Variants in KIF13B observed in about 807,000 individuals in gnomAD.
KIF13B encodes kinesin family member 13B.
In KIF13B, 127 loss-of-function variants were observed where a neutral mutation model predicts 222.0. The observed-to-expected ratio is 0.57, with a 90% CI of 0.50 to 0.66. The LOEUF (loss-of-function observed/expected upper bound fraction) is 0.66. KIF13B is among the 30% of genes least tolerant of loss of function. KIF13B has a pLI of 0.00. For synonymous variants in KIF13B, 976 were observed against 919.0 expected, an observed-to-expected ratio of 1.06 and a Z score of -1.12; for missense variants, 2,173 against 2,379.0, an observed-to-expected ratio of 0.91 and a Z score of 1.80.
chr8:29,105,697 C>T (rs544134582), intron 35 of KIF13B, among the ~76,000 whole-genome samples: 4 of 109,532 alleles, frequency 3.7e-5, no homozygotes, highest in East Asian at 3.1e-4. Flanking sequence ...CTCGCTCTGT[C>T]GCCCAGGCTG....
Position 29,108,198 on chromosome 8 carries a change from GAAGA to G in KIF13B, c.4162-10_4162-7del, listed in dbSNP as rs569576773. The G allele has an allele frequency of 3.6e-4, 587 of 1,611,390 alleles. 2 individuals are homozygous for G. The African/African-American group carries it at 7.2e-3, about 20-fold the overall frequency. On this transcript the variant is annotated splice_polypyrimidine_tract_variant and splice_region_variant and intron_variant, in intron 34 of 39. Transcript: ENST00000524189. ...TCTTGTCGGCTTCCAGACAACTGAA[GAAGA>G]AAGAAAGGGGGGTTAGTTATTTATG...
chr8:29,117,257 T>G (rs1809647404), intron 30 of KIF13B, among the ~76,000 whole-genome samples: 1 of 152,168 alleles, frequency 6.6e-6, no homozygotes, highest in Non-Finnish European at 1.5e-5. Context: ...TGCTCAAATG[T>G]CAAGAAAAGT....
chr8:29,201,716 C>T (rs1813701133), intron 2 of KIF13B, among the ~76,000 whole-genome samples: 1 of 152,214 alleles, frequency 6.6e-6, no homozygotes, highest in Non-Finnish European at 1.5e-5. Flanking sequence ...CCCCAACCCG[C>T]TGTATAACGG....
At chr8:29,251,213 C>A (rs1470121102) in intron 1 of KIF13B, among the ~76,000 whole-genome samples, 1 of 152,020 alleles carries the variant, frequency 6.6e-6, no homozygotes, top group Non-Finnish European at 1.5e-5. Flanking sequence ...TTAAATTTAG[C>A]CTGGAAAAAC....
chr8:29,142,854 CAT>C lies in KIF13B; in HGVS notation c.2188-553_2188-552del, dbSNP rs201897463. 6.0e-3 allele frequency among the ~76,000 whole-genome samples: 904 copies of C among 149,472 alleles called. 7 individuals carry two copies. The highest frequency in any genetic ancestry group is 0.021 in the East Asian group (101 of 4,728). On this transcript the variant is annotated intron_variant, in intron 18 of 39. Transcript: ENST00000524189. ...ACTCTCAAAAATAAATAAATATATA[CAT>C]GTGTGTGTGTGTAAAGAGACAGCAT...
chr8:29,209,885 C>CAA (rs11414197), intron 2 of KIF13B, among the ~76,000 whole-genome samples: 2,256 of 107,358 alleles, frequency 0.021, 60 homozygotes, highest in Non-Finnish European at 0.028. Context: ...TACCTCTCCA[C>CAA]AAAAAAAAAA....
chr8:29,159,098 C>T (rs1356140127), intron 13 of KIF13B, among the ~76,000 whole-genome samples: 4 of 152,156 alleles, frequency 2.6e-5, no homozygotes, highest in Non-Finnish European at 5.9e-5. Flanking sequence ...CCCCAGCTGA[C>T]ATCCTAACTC....
chr8:29,076,684 T>C (rs1807575459), intron 37 of KIF13B, among the ~76,000 whole-genome samples: 1 of 152,228 alleles, frequency 6.6e-6, no homozygotes, highest in Admixed American at 6.5e-5. Context: ...CACTCGTGCC[T>C]TGGGGCTGCT....
intron 1 of KIF13B, among the ~76,000 whole-genome samples, chr8:29,261,592 T>C (rs1442409060): frequency 6.6e-6 from 1 of 152,242 alleles, no homozygotes; most frequent in Non-Finnish European, 1.5e-5. Context: ...GAAATACAGA[T>C]ACCTGAATAT....
At chr8:29,136,881 G>A (rs1040893557) in intron 21 of KIF13B, among the ~76,000 whole-genome samples, 6 of 144,998 alleles carry the variant, frequency 4.1e-5, no homozygotes, top group Admixed American at 2.2e-4. Context: ...CTCACTGCAA[G>A]CTCCACCTCC....
chr8:29,160,981 C>T, intron 12 of KIF13B, 114 bp from the exon 13 acceptor site: 1 of 820,460 alleles, frequency 1.2e-6, no homozygotes, highest in Non-Finnish European at 1.9e-6. Context: ...CAAATACATT[C>T]TCTTAGGCTA....
chr8:29,142,980 G>C (rs1483182171), intron 18 of KIF13B, among the ~76,000 whole-genome samples: 1 of 152,086 alleles, frequency 6.6e-6, no homozygotes, highest in African/African-American at 2.4e-5. Flanking sequence ...AGCCTCCCAA[G>C]TAGTTAGGAC....
At chr8:29,142,736 G>A (rs931225848) in intron 18 of KIF13B, among the ~76,000 whole-genome samples, 6 of 152,148 alleles carry the variant, frequency 3.9e-5, no homozygotes, top group Non-Finnish European at 4.4e-5. Context: ...CTACTTGGGA[G>A]GCTGAAGCAC....
chr8:29,094,922 C>T (rs1371986169), intron 36 of KIF13B, among the ~76,000 whole-genome samples: 1 of 149,164 alleles, frequency 6.7e-6, no homozygotes, highest in Non-Finnish European at 1.5e-5. Context: ...TTAACAGAGC[C>T]CTGGAAATCA....
At chr8:29,155,623 T>G (rs1216035243) in intron 14 of KIF13B, 103 bp downstream of exon 14, 1 of 982,432 alleles carries the variant, frequency 1.0e-6, no homozygotes, top group Admixed American at 2.1e-5. Context: ...ACTGGATTAC[T>G]TAATGTGGTC....
At chr8:29,241,370 G>C (rs559727361) in intron 2 of KIF13B, among the ~76,000 whole-genome samples, 3 of 152,194 alleles carry the variant, frequency 2.0e-5, no homozygotes, top group Non-Finnish European at 4.4e-5. Flanking sequence ...TCACTTTAAA[G>C]GGGTGGATTG....
chr8:29,184,291 T>C (rs896116971), intron 6 of KIF13B, among the ~76,000 whole-genome samples: 25 of 152,100 alleles, frequency 1.6e-4, no homozygotes, highest in Admixed American at 3.3e-4. Flanking sequence ...TTAGAGATTT[T>C]AATCCATTTA....
At chr8:29,155,475 G>C (rs182215168) in intron 14 of KIF13B, among the ~76,000 whole-genome samples, 149 of 152,310 alleles carry the variant, frequency 9.8e-4, no homozygotes, top group Non-Finnish European at 1.8e-3. Flanking sequence ...TGAACCAGGA[G>C]GCAGCTCGTG....
At chr8:29,138,099 T>C (rs1304378644) in intron 21 of KIF13B, among the ~76,000 whole-genome samples, 1 of 152,218 alleles carries the variant, frequency 6.6e-6, no homozygotes, top group East Asian at 1.9e-4. Context: ...CCTGTAATCC[T>C]TGCACTTCGA....
Sources: gnomAD v4.1 joint callset for allele counts (sites outside exome capture counted in the v4.1 genomes callset) on GRCh38, gnomAD v4.1.1 for gene constraint, MANE v1.5 for transcripts, NCBI Gene and HGNC (gene_info 2026-07-23, HGNC 2026-07-21) for gene names.